Variants in LEKR1 observed in about 807,000 individuals in gnomAD.
LEKR1 encodes the protein leucine, glutamate and lysine rich 1, also known as protein LEKR1.
In LEKR1, 59 loss-of-function variants were observed where a neutral mutation model predicts 72.4. The ratio of observed to expected loss-of-function variants is 0.82; its 90% CI spans 0.66 to 1.01. The LOEUF is 1.01. Ranked by LOEUF, LEKR1 falls within the 50% of genes least tolerant of loss-of-function variation. The pLI, the probability that LEKR1 is intolerant of heterozygous loss-of-function variation, is 0.00. For synonymous variants in LEKR1, 257 were observed against 263.2 expected, an observed-to-expected ratio of 0.98 and a Z score of 0.23; for missense variants, 728 against 759.2, an observed-to-expected ratio of 0.96 and a Z score of 0.48.
intron 10 of LEKR1, among the ~76,000 whole-genome samples, chr3:157,021,186 G>A (rs1733805783): frequency 6.6e-6 from 1 of 152,026 alleles, no homozygotes; most frequent in African/African-American, 2.4e-5. Flanking sequence ...TTAGCCCTTT[G>A]TCAGATGAGT....
chr3:157,024,644 A>T, intron 10 of LEKR1, 116 bp from the exon 11 acceptor site: 1 of 824,218 alleles, frequency 1.2e-6, no homozygotes, highest in Non-Finnish European at 1.9e-6. Flanking sequence ...TTTTTAAAAT[A>T]GTTTAATTAA....
chr3:157,023,655 G>A (rs1265794301), intron 10 of LEKR1, among the ~76,000 whole-genome samples: 1 of 152,126 alleles, frequency 6.6e-6, no homozygotes, highest in Non-Finnish European at 1.5e-5. Flanking sequence ...ACCCTACCAG[G>A]AAGGGTTACA....
intron 12 of LEKR1, among the ~76,000 whole-genome samples, chr3:157,033,677 C>T (rs1055726950): frequency 1.3e-5 from 2 of 152,142 alleles, no homozygotes; most frequent in African/African-American, 4.8e-5. Context: ...GTAAGTTATC[C>T]AGATCTAGCT....
intron 3 of LEKR1, among the ~76,000 whole-genome samples, chr3:156,893,664 T>G (rs1226165760): frequency 6.6e-6 from 1 of 152,210 alleles, no homozygotes; most frequent in Non-Finnish European, 1.5e-5. Context: ...GCTTTCGCCT[T>G]GACTGTAAGT....
At chr3:156,932,377 TAATTA>T (rs1042827336) in intron 5 of LEKR1, among the ~76,000 whole-genome samples, 3 of 152,206 alleles carry the variant, frequency 2.0e-5, no homozygotes, top group Non-Finnish European at 4.4e-5. Context: ...TTAACTTTAA[TAATTA>T]AATTTAGGCA....
intron 3 of LEKR1, among the ~76,000 whole-genome samples, chr3:156,896,466 A>G (rs1443079362): frequency 6.6e-6 from 1 of 152,224 alleles, no homozygotes; most frequent in East Asian, 1.9e-4. Flanking sequence ...GTCCAACATC[A>G]CTATTCATTA....
chr3:156,867,847 G>A (rs1018594503), intron 3 of LEKR1, among the ~76,000 whole-genome samples: 1 of 152,012 alleles, frequency 6.6e-6, no homozygotes, highest in African/African-American at 2.4e-5. Context: ...AATATGCTGA[G>A]TTATTGAGAT....
chr3:157,031,724 G>A (rs551374197), intron 12 of LEKR1, among the ~76,000 whole-genome samples: 2 of 152,230 alleles, frequency 1.3e-5, no homozygotes, highest in East Asian at 1.9e-4. Context: ...ATTCCCATTC[G>A]AATGAAAATA....
intron 2 of LEKR1, among the ~76,000 whole-genome samples, chr3:156,844,134 G>A (rs1157017823): frequency 6.6e-6 from 1 of 151,996 alleles, no homozygotes; most frequent in East Asian, 1.9e-4. Context: ...AATATACTTT[G>A]GAAGTATATA....
intron 3 of LEKR1, among the ~76,000 whole-genome samples, chr3:156,857,293 G>A (rs916671802): frequency 3.3e-5 from 5 of 151,910 alleles, no homozygotes; most frequent in African/African-American, 1.2e-4. Flanking sequence ...GTATTTCAGG[G>A]TTCCCAAAGT....
intron 6 of LEKR1, among the ~76,000 whole-genome samples, chr3:156,950,906 G>A (rs535573983): frequency 6.6e-6 from 1 of 151,636 alleles, no homozygotes; most frequent in Non-Finnish European, 1.5e-5. Context: ...ATGCTATATC[G>A]AGTAGGAGTG....
intron 5 of LEKR1, among the ~76,000 whole-genome samples, chr3:156,930,827 C>G (rs1725162536): frequency 6.6e-6 from 1 of 152,022 alleles, no homozygotes; most frequent in African/African-American, 2.4e-5. Context: ...GAAAGTCTTT[C>G]AACAAATTGT....
chr3:156,852,741 T>G (rs1038673113), intron 2 of LEKR1, 27 bp from the exon 3 acceptor site: 6 of 1,255,684 alleles, frequency 4.8e-6, no homozygotes, highest in Non-Finnish European at 6.5e-6. Flanking sequence ...TTAAAAAAAT[T>G]TGGTAAGTGT....
intron 9 of LEKR1, among the ~76,000 whole-genome samples, chr3:157,004,018 A>G (rs1732220483): frequency 6.6e-6 from 1 of 152,152 alleles, no homozygotes; most frequent in South Asian, 2.1e-4. Flanking sequence ...TAAATTGTCT[A>G]AACATTCTAA....
intron 3 of LEKR1, among the ~76,000 whole-genome samples, chr3:156,901,572 G>A (rs1211216571): frequency 1.3e-5 from 2 of 152,138 alleles, no homozygotes; most frequent in East Asian, 3.8e-4. Context: ...TTTATCAGAA[G>A]ATGAAAATAA....
At chr3:156,899,557 T>C (rs1010982349) in intron 3 of LEKR1, among the ~76,000 whole-genome samples, 4 of 140,738 alleles carry the variant, frequency 2.8e-5, no homozygotes, top group Non-Finnish European at 6.2e-5. Flanking sequence ...TACACATATA[T>C]ACATATACAT....
At chr3:156,851,065 T>A (rs1715300305) in intron 2 of LEKR1, 1 of 152,154 alleles carries the variant, frequency 6.6e-6, no homozygotes, top group Non-Finnish European at 1.5e-5. Flanking sequence ...GTTTGAGTCT[T>A]CTCTCATTCT....
intron 9 of LEKR1, among the ~76,000 whole-genome samples, chr3:157,008,980 A>G (rs1350400175): frequency 6.6e-6 from 1 of 152,140 alleles, no homozygotes; most frequent in Non-Finnish European, 1.5e-5. Context: ...TTCAGTTCGA[A>G]GTATTTTCAA....
In LEKR1 at chr3:157,045,725, T is replaced by C. The variant is rs1232095865; in HGVS notation, c.2054T>C (p.Leu685Pro). 1.9e-6 allele frequency: 3 copies of C among 1,610,462 alleles called. No individual in the cohort carries two copies. The African/African-American group carries it at 4.0e-5, about 21-fold the overall frequency. ...ACTAGACAGAGACTGGCTGCCATTCTTAGGAGAAGGCGGAGTCAGCAATGA... is the reference window on the plus strand; with the variant it reads ...ACTAGACAGAGACTGGCTGCCATTCCTAGGAGAAGGCGGAGTCAGCAATGA... The part of the protein sequence containing the change: ...NETRQRLAAI[L>P]RRRRSQQ The change falls in exon 13 of 13, where the codon CTT becomes CCT. Residue 685 changes from leucine to proline, a missense_variant. Transcript: ENST00000356539.
Sources: allele counts gnomAD v4.1 joint callset (sites outside exome capture counted in the v4.1 genomes callset), GRCh38; gene constraint gnomAD v4.1.1; transcripts MANE v1.5; gene names NCBI Gene and HGNC (gene_info 2026-07-23, HGNC 2026-07-21).